Variants in MYO3B observed in about 807,000 individuals in gnomAD.
The protein encoded by MYO3B is myosin-IIIb.
In MYO3B, 156 loss-of-function variants were observed where a neutral mutation model predicts 174.6. That is an observed-to-expected ratio of 0.89 (90% confidence interval 0.78 to 1.02). The LOEUF (loss-of-function observed/expected upper bound fraction) is 1.02. Among genes scored for constraint, MYO3B ranks in the 50% least tolerant of loss-of-function variants. MYO3B has a pLI of 0.00. For synonymous variants in MYO3B, 563 were observed against 569.1 expected (o/e 0.99, Z 0.15); for missense variants, 1,632 against 1,639.4 (o/e 1.00, Z 0.08).
intron 32 of MYO3B, among the ~76,000 whole-genome samples, chr2:170,556,186 ACT>A (rs1234160043): frequency 6.7e-6 from 1 of 149,194 alleles, no homozygotes; most frequent in Non-Finnish European, 1.5e-5. Flanking sequence ...ACAGACCAAG[ACT>A]CTGTCTAGAA....
At chr2:170,446,111 T>G (rs2094840473) in intron 23 of MYO3B, among the ~76,000 whole-genome samples, 1 of 152,234 alleles carries the variant, frequency 6.6e-6, no homozygotes. Flanking sequence ...GCTGGAAATG[T>G]GTGCGTCAGG....
chr2:170,625,812 C>T (rs1696367886), intron 32 of MYO3B, among the ~76,000 whole-genome samples: 1 of 152,164 alleles, frequency 6.6e-6, no homozygotes, highest in Non-Finnish European at 1.5e-5. Flanking sequence ...TCGTTATGTA[C>T]CCAGTAGTCA....
chr2:170,519,460 T>G lies in MYO3B; in HGVS notation c.3495T>G (p.Arg1165=). Residue 1165 remains arginine, a synonymous_variant, in exon 30 of 35, where the codon CGT becomes CGG. Coordinates refer to ENST00000408978, the MANE Select transcript of MYO3B (RefSeq NM_138995.5). ...CAGTTCTCAGGGGCTCTGTACATCGTAGGAGCCATTCACAAGCAGAATCCA... is the reference window on the plus strand; with the variant it reads ...CAGTTCTCAGGGGCTCTGTACATCGGAGGAGCCATTCACAAGCAGAATCCA... ...DHKVLRGSVH[R]RSHSQAESNN... is the part of the protein sequence containing the mutation. The G allele has an allele frequency of 1.2e-6, 2 of 1,613,656 alleles. No homozygotes were observed.
chr2:170,314,688 T>C (rs981553967), intron 7 of MYO3B, among the ~76,000 whole-genome samples: 1 of 152,208 alleles, frequency 6.6e-6, no homozygotes, highest in Non-Finnish European at 1.5e-5. Context: ...TTAAACTAAA[T>C]GTTTTGTGAT....
chr2:170,536,975 G>C lies in MYO3B; in HGVS notation c.3576-5931G>C, dbSNP rs149490358. 5.7e-3 allele frequency among the ~76,000 whole-genome samples: 867 copies of C among 152,110 alleles called. 2 individuals carry two copies. The highest frequency in any genetic ancestry group is 0.019 in the African/African-American group (793 of 41,482). On this transcript the variant is annotated intron_variant, in intron 30 of 34. Coordinates refer to ENST00000408978, the MANE Select transcript of MYO3B (RefSeq NM_138995.5). ...CCAGCACTTTGGGAGTCTGAGGCAG[G>C]TGAATCACGAGGTCAGGCATTCAAG...
At chr2:170,557,224 CCGCCTCCTGGGTTCA>C (rs1391996959) in intron 32 of MYO3B, among the ~76,000 whole-genome samples, 1 of 151,186 alleles carries the variant, frequency 6.6e-6, no homozygotes, top group East Asian at 1.9e-4. Flanking sequence ...ACTGCAAGCT[CCGCCTCCTGGGTTCA>C]CGCCATTCTT....
In MYO3B at chr2:170,199,326, G is replaced by T; in HGVS notation, c.121G>T (p.Val41Phe). The T allele has an allele frequency of 6.2e-7, 1 of 1,613,458 alleles. No individual in the cohort carries two copies. Among genetic ancestry groups the T allele is most frequent in the Non-Finnish European group, 8.5e-7 (1 of 1,179,628 alleles). The change falls in exon 2 of 35, where the codon GTC (valine) becomes TTC (phenylalanine). Residue 41 changes from valine (V) to phenylalanine (F), a missense_variant. Transcript: ENST00000408978. ...CATTGGTAAAGGCACCTATGGCAAA[G>T]TCTACAAGGTAACTAACAAGAGAGA... ...ETIGKGTYGK[V>F]YKVTNKRDGS...
chr2:170,388,844 T>C (rs2094393558), intron 14 of MYO3B, among the ~76,000 whole-genome samples: 1 of 152,170 alleles, frequency 6.6e-6, no homozygotes, highest in Admixed American at 6.5e-5. Flanking sequence ...GTACTTGCAG[T>C]TTCCTCACGC....
At chr2:170,179,187 C>T (rs898446313) in intron 1 of MYO3B, among the ~76,000 whole-genome samples, 10 of 151,988 alleles carry the variant, frequency 6.6e-5, no homozygotes, top group African/African-American at 2.4e-4. Context: ...ACGTCCTGCA[C>T]ATGTAACCTG....
chr2:170,533,616 A>G (rs1288853660), intron 30 of MYO3B, among the ~76,000 whole-genome samples: 1 of 152,204 alleles, frequency 6.6e-6, no homozygotes, highest in Non-Finnish European at 1.5e-5. Flanking sequence ...GCCGAAGGAA[A>G]AGCACAGATT....
chr2:170,405,669 G>A (rs372556788), intron 21 of MYO3B, 36 bp downstream of exon 21: 9 of 1,582,348 alleles, frequency 5.7e-6, no homozygotes, highest in Non-Finnish European at 7.8e-6. Flanking sequence ...ACCTGAATTT[G>A]GCAAAGGGTA....
intron 8 of MYO3B, among the ~76,000 whole-genome samples, chr2:170,345,636 C>G (rs2094010096): frequency 6.6e-6 from 1 of 151,988 alleles, no homozygotes; most frequent in Non-Finnish European, 1.5e-5. Context: ...CACACACATA[C>G]AGAAACCCTG....
In MYO3B at chr2:170,239,919, C is replaced by G. The variant is rs945202817; in HGVS notation, c.749+3783C>G. Among the ~76,000 whole-genome samples the G allele has an allele frequency of 1.3e-4, 19 of 151,756 alleles. 1 individual carries two copies. The highest frequency in any genetic ancestry group is 4.4e-4 in the African/African-American group (18 of 41,054). ...TCAGCGGGTCAGCAGGGCCACACTCCCTTTGAAGACTCTAAGTAAGAATCC... is the reference window on the plus strand; with the variant it reads ...TCAGCGGGTCAGCAGGGCCACACTCGCTTTGAAGACTCTAAGTAAGAATCC... On this transcript the variant is annotated intron_variant, in intron 7 of 34. Coordinates refer to ENST00000408978, the MANE Select transcript of MYO3B (RefSeq NM_138995.5).
intron 28 of MYO3B, among the ~76,000 whole-genome samples, chr2:170,508,091 G>A (rs1043807995): frequency 1.3e-5 from 2 of 152,186 alleles, no homozygotes; most frequent in Admixed American, 1.3e-4. Flanking sequence ...CATGGCACAA[G>A]TATGCTTAAG....
At chr2:170,291,694 T>C (rs1234310103) in intron 7 of MYO3B, among the ~76,000 whole-genome samples, 1 of 140,800 alleles carries the variant, frequency 7.1e-6, no homozygotes, top group Non-Finnish European at 1.5e-5. Context: ...TTGCTGGGCA[T>C]AGTATTCTTG....
intron 7 of MYO3B, among the ~76,000 whole-genome samples, chr2:170,258,298 T>C (rs2093320276): frequency 6.6e-6 from 1 of 152,036 alleles, no homozygotes; most frequent in Non-Finnish European, 1.5e-5. Flanking sequence ...TGAATATAGA[T>C]ACAAAAATCC....
At chr2:170,424,662 A>G (rs757684641) in intron 22 of MYO3B, among the ~76,000 whole-genome samples, 4 of 152,290 alleles carry the variant, frequency 2.6e-5, no homozygotes, top group Admixed American at 2.0e-4. Flanking sequence ...GAGTTATGAT[A>G]ATGACTCTAA....
intron 22 of MYO3B, among the ~76,000 whole-genome samples, chr2:170,427,001 G>A (rs2094668440): frequency 2.6e-5 from 4 of 151,232 alleles, no homozygotes; most frequent in Admixed American, 6.6e-5. Flanking sequence ...CTGGGTGATA[G>A]TGCGAGACTC....
chr2:170,622,010 G>A (rs114837900), intron 32 of MYO3B, among the ~76,000 whole-genome samples: 1,885 of 152,212 alleles, frequency 0.012, 23 homozygotes, highest in Admixed American at 0.021. Context: ...CTTGCAACTT[G>A]GCAGTTGTTC....
Sources: gnomAD v4.1 joint callset for allele counts (sites outside exome capture counted in the v4.1 genomes callset) on GRCh38, gnomAD v4.1.1 for gene constraint, MANE v1.5 for transcripts, NCBI Gene and HGNC (gene_info 2026-07-23, HGNC 2026-07-21) for gene names.